The following LYZL4 variants were observed in gnomAD, a reference collection of about 807,000 sequenced individuals.
LYZL4 encodes lysozyme-like protein 4.
In LYZL4, 13 loss-of-function variants were observed where a neutral mutation model predicts 17.6. The ratio of observed to expected loss-of-function variants is 0.74; its 90% CI spans 0.48 to 1.18. LYZL4 has a LOEUF of 1.18. LYZL4 is among the 50% of genes most tolerant of loss of function. LYZL4 has a pLI of 0.00. For synonymous variants in LYZL4, 64 were observed against 67.7 expected, an observed-to-expected ratio of 0.95 and a Z score of 0.27; for missense variants, 174 against 188.2, an observed-to-expected ratio of 0.92 and a Z score of 0.44.
chr3:42,365,364 G>A, the LYZL4 span, among the ~76,000 whole-genome samples: 1 of 152,170 alleles, frequency 6.6e-6, no homozygotes, highest in African/African-American at 2.4e-5. Flanking sequence ...ATAAATTTCA[G>A]TGGCATGCAA....
At chr3:42,376,198 A>C in the LYZL4 span, among the ~76,000 whole-genome samples, 1 of 152,218 alleles carries the variant, frequency 6.6e-6, no homozygotes, top group African/African-American at 2.4e-5. Context: ...GCCCAAGAAC[A>C]AGTTCCAGGC....
At chr3:42,376,134 C>G in the LYZL4 span, among the ~76,000 whole-genome samples, 1 of 152,154 alleles carries the variant, frequency 6.6e-6, no homozygotes, top group Admixed American at 6.5e-5. Context: ...TTAAGGATGT[C>G]CTGAGAGTTA....
chr3:42,391,365 G>A, the LYZL4 span, among the ~76,000 whole-genome samples: 51 of 152,290 alleles, frequency 3.3e-4, no homozygotes, highest in East Asian at 7.3e-3. Context: ...CTGAGCCGAG[G>A]TCCCTCCAAC....
chr3:42,372,608 C>T, the LYZL4 span, among the ~76,000 whole-genome samples: 11 of 152,198 alleles, frequency 7.2e-5, no homozygotes, highest in East Asian at 3.9e-4. Context: ...TCAGCATTGT[C>T]CCCCCCAGCA....
chr3:42,377,558 C>T, the LYZL4 span, among the ~76,000 whole-genome samples: 1 of 151,840 alleles, frequency 6.6e-6, no homozygotes, highest in Non-Finnish European at 1.5e-5. Flanking sequence ...TGTGTAAAGG[C>T]ACTGTCTGAT....
the LYZL4 span, among the ~76,000 whole-genome samples, chr3:42,363,613 A>T: frequency 1.3e-5 from 2 of 152,222 alleles, no homozygotes; most frequent in African/African-American, 2.4e-5. Context: ...AAAATCAAGC[A>T]TCAATCCCAC....
chr3:42,395,890 G>A (rs373672984), downstream of LYZL4, among the ~76,000 whole-genome samples: 8 of 152,070 alleles, frequency 5.3e-5, no homozygotes, highest in South Asian at 2.1e-4. Context: ...GTGAAACCCC[G>A]TCTTTACTAA....
intron 3 of LYZL4, among the ~76,000 whole-genome samples, 187 bp from the exon 4 acceptor site, chr3:42,404,311 CT>C (rs1232946320): frequency 6.6e-6 from 1 of 152,154 alleles, no homozygotes; most frequent in African/African-American, 2.4e-5. Flanking sequence ...TTTACCAGAT[CT>C]ATTGATTTTT....
intron 4 of LYZL4, among the ~76,000 whole-genome samples, chr3:42,402,524 T>C (rs1698675967): frequency 6.6e-6 from 1 of 152,088 alleles, no homozygotes; most frequent in African/African-American, 2.4e-5. Context: ...GATACATAAA[T>C]GGCCAATAAA....
the LYZL4 span, among the ~76,000 whole-genome samples, chr3:42,387,937 T>A: frequency 1.3e-5 from 2 of 152,062 alleles, no homozygotes; most frequent in African/African-American, 2.4e-5. Context: ...TTCCCACCTG[T>A]CAGCCAAGCA....
chr3:42,391,941 C>G, the LYZL4 span, among the ~76,000 whole-genome samples: 2 of 151,514 alleles, frequency 1.3e-5, no homozygotes, highest in Admixed American at 1.3e-4. Flanking sequence ...GTGGTGCGAT[C>G]TCACTACAAC....
At chr3:42,395,203 G>GA (rs1187964831), downstream of LYZL4, among the ~76,000 whole-genome samples, 18 of 152,330 alleles carry the variant, frequency 1.2e-4, no homozygotes, top group East Asian at 3.5e-3. Context: ...TCTTCCTTCT[G>GA]AAAGTAACCA....
the LYZL4 span, among the ~76,000 whole-genome samples, chr3:42,385,168 T>A: frequency 6.8e-6 from 1 of 146,534 alleles, no homozygotes; most frequent in East Asian, 1.9e-4. Context: ...ATTTGTAAAG[T>A]CTTTTGCCTC....
chr3:42,370,592 T>G, the LYZL4 span, among the ~76,000 whole-genome samples: 2 of 152,196 alleles, frequency 1.3e-5, 1 homozygote, highest in African/African-American at 4.8e-5. Context: ...ACCACTAAGA[T>G]TTGGGGACTA....
chr3:42,406,961 G>T lies in LYZL4; in HGVS notation c.177C>A (p.Pro59=). 6.2e-7 allele frequency: 1 copy of T among 1,614,212 alleles called. No homozygotes were observed. The highest frequency in any genetic ancestry group is 1.1e-5 in the South Asian group (1 of 91,080). ...CLAYFESKFN[P]MAIYENTREG... ...CACGTGTGTTCTCGTAGATGGCCAT[G>T]GGGTTGAACTTGCTCTCGAAGTAGG... is the stretch of plus-strand genomic sequence containing the variant. Residue 59 remains proline (P), a synonymous_variant, in exon 3 of 5, where the codon CCC becomes CCA. Coordinates refer to ENST00000287748, the MANE Select transcript of LYZL4 (RefSeq NM_144634.4).
At chr3:42,386,170 T>C in the LYZL4 span, among the ~76,000 whole-genome samples, 1 of 152,140 alleles carries the variant, frequency 6.6e-6, no homozygotes, top group Non-Finnish European at 1.5e-5. Context: ...TGGTGTGATC[T>C]TGGCTCACTG....
At chr3:42,404,620 G>T (rs761518476) in intron 3 of LYZL4, among the ~76,000 whole-genome samples, 3 of 152,156 alleles carry the variant, frequency 2.0e-5, no homozygotes, top group Non-Finnish European at 4.4e-5. Context: ...ACAGAAAATT[G>T]TATGTGTCTC....
the LYZL4 span, among the ~76,000 whole-genome samples, chr3:42,378,288 T>C: frequency 6.6e-6 from 1 of 152,222 alleles, no homozygotes; most frequent in Non-Finnish European, 1.5e-5. Context: ...GCAGAGAATG[T>C]GGCCTCTGAA....
chr3:42,400,943 T>C (rs1196857317), intron 4 of LYZL4, among the ~76,000 whole-genome samples: 1 of 152,020 alleles, frequency 6.6e-6, no homozygotes, highest in Non-Finnish European at 1.5e-5. Flanking sequence ...AGAAAGACAC[T>C]CACACCAGCA....
Sources: gnomAD v4.1 joint callset for allele counts (sites outside exome capture counted in the v4.1 genomes callset) on GRCh38, gnomAD v4.1.1 for gene constraint, MANE v1.5 for transcripts, NCBI Gene and HGNC (gene_info 2026-07-23, HGNC 2026-07-21) for gene names.